The following BCAS3 variants were observed in gnomAD, a reference collection of about 807,000 sequenced individuals.
The protein encoded by BCAS3 is BCAS4/BCAS3 fusion.
A neutral mutation model predicts 116.1 loss-of-function variants in BCAS3; 53 were observed. That is an observed-to-expected ratio of 0.46 (90% CI 0.37 to 0.57). The LOEUF (loss-of-function observed/expected upper bound fraction) is 0.57. BCAS3 is among the 20% of genes least tolerant of loss of function. BCAS3 has a pLI of 0.00. For synonymous variants in BCAS3, 391 were observed against 408.2 expected (o/e 0.96, Z 0.51); for missense variants, 917 against 1,165.4 (o/e 0.79, Z 3.10).
At chr17:60,864,542 A>G (rs1311008493) in intron 7 of BCAS3, among the ~76,000 whole-genome samples, 1 of 152,260 alleles carries the variant, frequency 6.6e-6, no homozygotes. Flanking sequence ...CTTTGGCTTA[A>G]GGGAATGTTG....
intron 22 of BCAS3, among the ~76,000 whole-genome samples, chr17:61,238,107 C>G (rs920862802): frequency 7.9e-5 from 12 of 152,144 alleles, no homozygotes; most frequent in Admixed American, 7.9e-4. Context: ...GGCTGGAGTA[C>G]AGAGGCACAA....
intron 22 of BCAS3, among the ~76,000 whole-genome samples, chr17:61,301,966 G>A (rs552919736): frequency 2.6e-4 from 40 of 152,312 alleles, no homozygotes; most frequent in Middle Eastern, 6.8e-3. Flanking sequence ...CAATGAAAAA[G>A]ACATCAGATC....
intron 22 of BCAS3, among the ~76,000 whole-genome samples, chr17:61,289,247 G>A (rs1251656133): frequency 1.3e-5 from 2 of 152,158 alleles, no homozygotes; most frequent in Non-Finnish European, 2.9e-5. Context: ...GGTGTGGTGG[G>A]GGTGCTGGCC....
rs1229834264 is a variant in BCAS3 at position 61,368,007 on chromosome 17, G to T, written c.2426-320G>T. Reference sequence around the variant, plus strand: ...AAAGAGGAAAGTAGGGATCCGTTTGGGTTGAACCTGGGAAGGGGGTTGCCT... The same window carrying T: ...AAAGAGGAAAGTAGGGATCCGTTTGTGTTGAACCTGGGAAGGGGGTTGCCT... On this transcript the variant is annotated intron_variant, in intron 22 of 23. Transcript: ENST00000407086. The surrounding 1 kb of genome is among the most constrained non-coding windows in gnomAD (Gnocchi z 6.0). 3 of 224,650 alleles carry T rather than the reference G, an allele frequency of 1.3e-5. No homozygotes were observed. The highest frequency in any genetic ancestry group is 2.6e-5 in the Non-Finnish European group (3 of 115,366). 13.9% of individuals were successfully genotyped at this position (224,650 alleles called of 1,614,324 possible).
intron 22 of BCAS3, among the ~76,000 whole-genome samples, chr17:61,115,126 C>G (rs2143765898): frequency 6.6e-6 from 1 of 151,258 alleles, no homozygotes; most frequent in Non-Finnish European, 1.5e-5. Flanking sequence ...AGACCTAAAA[C>G]CATAAAAACC....
rs1017723209 is a variant in BCAS3, at chr17:61,227,281, C to T, written c.2426-141046C>T. On this transcript the variant is annotated intron_variant, in intron 22 of 23. Coordinates refer to ENST00000407086, the MANE Select transcript of BCAS3 (RefSeq NM_017679.5). This position sits in a 1 kb window ranked among gnomAD's most constrained non-coding sequence, Gnocchi z 6.1. Reference sequence around the variant, plus strand: ...TCTGAAAAAAATGCAGATACTCATACATATACAATGTCGCATGTGCTTTCA... The same window carrying T: ...TCTGAAAAAAATGCAGATACTCATATATATACAATGTCGCATGTGCTTTCA... Among the ~76,000 whole-genome samples, 7 of 152,160 alleles carry T rather than the reference C, an allele frequency of 4.6e-5. No homozygotes were observed. The highest frequency in any genetic ancestry group is 7.3e-5 in the Non-Finnish European group (5 of 68,030).
chr17:61,373,676 G>A (rs552452200), intron 23 of BCAS3, among the ~76,000 whole-genome samples: 148 of 142,136 alleles, frequency 1.0e-3, no homozygotes, highest in African/African-American at 3.6e-3. Flanking sequence ...TCGAACTCCT[G>A]GCCTCAAGTG....
chr17:61,223,384 C>T (rs1378495391), intron 22 of BCAS3, among the ~76,000 whole-genome samples: 1 of 152,138 alleles, frequency 6.6e-6, no homozygotes, highest in African/African-American at 2.4e-5. Flanking sequence ...GTCTCAAACT[C>T]CTGACCTCAG....
chr17:61,047,042 AGGG>A (rs1568218320), intron 19 of BCAS3, among the ~76,000 whole-genome samples: 1 of 151,984 alleles, frequency 6.6e-6, no homozygotes, highest in African/African-American at 2.4e-5. Context: ...GGTGGAAGGA[AGGG>A]GGAACCAGCC....
chr17:60,718,824 G>A lies in BCAS3; in HGVS notation c.321+9499G>A, dbSNP rs1330586446. ...CGCCTGTAATCTCAGCACTTTGGGA[G>A]GCCGAGGTGGGCAGATCACGAGGCC... On this transcript the variant is annotated intron_variant, in intron 5 of 23. Transcript: ENST00000407086. 2.6e-5 allele frequency among the ~76,000 whole-genome samples: 4 copies of A among 152,284 alleles called. No homozygotes were observed. In the East Asian group the frequency reaches 7.7e-4, roughly 29 times the overall value.
At chr17:60,709,595 G>T (rs2037605020) in intron 5 of BCAS3, 4 of 304,238 alleles carry the variant, frequency 1.3e-5, no homozygotes, top group South Asian at 1.2e-4. Flanking sequence ...TGCCATGTTG[G>T]CCAGGCTGGT....
chr17:60,679,656 T>A lies in BCAS3; in HGVS notation c.83+116T>A, dbSNP rs1217627533. On this transcript the variant is annotated intron_variant, in intron 2 of 23. Coordinates refer to ENST00000407086, the MANE Select transcript of BCAS3 (RefSeq NM_017679.5). The stretch of plus-strand genomic sequence containing the variant: ...TGTAAAAATCTTTTAACTGTTGGCT[T>A]TATGGGATGAATAATAATAATTGCC... 6.3e-6 allele frequency: 5 copies of A among 792,546 alleles called. No individual in the cohort carries two copies. In the Admixed American group the frequency reaches 1.2e-4, roughly 18 times the overall value. 49.1% of individuals were successfully genotyped at this position (792,546 alleles called of 1,614,324 possible).
intron 23 of BCAS3, among the ~76,000 whole-genome samples, chr17:61,375,312 C>G (rs984117694): frequency 6.7e-5 from 10 of 149,688 alleles, no homozygotes; most frequent in Admixed American, 5.3e-4. Context: ...CAAATATGAG[C>G]TGTTTTTACT....
chr17:61,032,741 C>T lies in BCAS3; in HGVS notation c.1638-1925C>T, dbSNP rs960541756. On this transcript the variant is annotated intron_variant, in intron 16 of 23. Transcript: ENST00000407086. This position sits in a 1 kb window ranked among gnomAD's most constrained non-coding sequence, Gnocchi z 4.6. Reference sequence around the variant, plus strand: ...AGTTTATAGAGCCAGATTCAGCTTCCCACAGAAACTTTTTATTTAAAAACG... The same window carrying T: ...AGTTTATAGAGCCAGATTCAGCTTCTCACAGAAACTTTTTATTTAAAAACG... 1.3e-5 allele frequency among the ~76,000 whole-genome samples: 2 copies of T among 152,110 alleles called. No homozygotes were observed. Among genetic ancestry groups the T allele is most frequent in the African/African-American group, 4.8e-5 (2 of 41,432 alleles).
At position 61,112,643 on chromosome 17, in the gene BCAS3, C is replaced by T. The variant is rs1322896226; in HGVS notation, c.2425+28079C>T. On this transcript the variant is annotated intron_variant, in intron 22 of 23. Coordinates refer to ENST00000407086, the MANE Select transcript of BCAS3 (RefSeq NM_017679.5). ...ACTCCCACGCATTAATAATGGGAGA[C>T]TTTAACACCCCACTGTCAACATTAG... Among the ~76,000 whole-genome samples, 6 of 132,018 alleles carry T rather than the reference C, an allele frequency of 4.5e-5. No homozygotes were observed. In the Admixed American group the frequency reaches 4.7e-4, roughly 10 times the overall value. 86.6% of individuals were successfully genotyped at this position (132,018 alleles called of 152,430 possible). A position where few individuals can be genotyped will look rare whatever the true frequency, so the allele number is the denominator to read the frequency against.
chr17:60,686,257 T>G (rs2034030919), intron 3 of BCAS3, among the ~76,000 whole-genome samples: 1 of 152,180 alleles, frequency 6.6e-6, no homozygotes, highest in African/African-American at 2.4e-5. Flanking sequence ...AGTCCTGCGT[T>G]GGTACTTTGT....
chr17:60,807,434 T>C (rs1320978473), intron 6 of BCAS3, among the ~76,000 whole-genome samples: 1 of 152,088 alleles, frequency 6.6e-6, no homozygotes, highest in African/African-American at 2.4e-5. Flanking sequence ...GGTTTTCTGA[T>C]CTCATGGGGA....
intron 22 of BCAS3, among the ~76,000 whole-genome samples, chr17:61,101,730 A>G (rs2074339232): frequency 6.6e-6 from 1 of 152,078 alleles, no homozygotes; most frequent in Non-Finnish European, 1.5e-5. Flanking sequence ...TCACATTTTA[A>G]AATTCTGGTT....
chr17:61,015,280 A>C (rs2065375616), intron 15 of BCAS3, among the ~76,000 whole-genome samples: 1 of 152,148 alleles, frequency 6.6e-6, no homozygotes, highest in Non-Finnish European at 1.5e-5. Flanking sequence ...GTGTTACCAG[A>C]ATACTTCTTT....
Sources: allele counts gnomAD v4.1 joint callset (sites outside exome capture counted in the v4.1 genomes callset), GRCh38; gene constraint gnomAD v4.1.1; non-coding constraint Gnocchi (gnomAD v3.1); transcripts MANE v1.5; gene names NCBI Gene and HGNC (gene_info 2026-07-23, HGNC 2026-07-21).